Variants in ASTN1 observed in about 807,000 individuals in gnomAD.
ASTN1 encodes astrotactin 1, also known as astrotactin-1.
In ASTN1, 41 loss-of-function variants were observed where a neutral mutation model predicts 140.7. That is an observed-to-expected ratio of 0.29 (90% CI 0.23 to 0.38). ASTN1 has a LOEUF of 0.38. ASTN1 is among the 10% of genes least tolerant of loss of function. The pLI, the probability that ASTN1 is intolerant of heterozygous loss-of-function variation, is 1.00. For missense variants in ASTN1, 1,479 were observed against 1,678.8 expected (o/e 0.88, Z 2.08); for synonymous variants, 640 against 652.2 (o/e 0.98, Z 0.29).
At chr1:176,888,272 C>T in intron 17 of ASTN1, 68 bp from the exon 18 acceptor site, 1 of 1,575,308 alleles carries the variant, frequency 6.3e-7, no homozygotes, top group Non-Finnish European at 8.7e-7. Flanking sequence ...AATCAAGAGG[C>T]AGAGTGTCAA....
intron 1 of ASTN1, among the ~76,000 whole-genome samples, chr1:177,074,637 C>A (rs1049041055): frequency 6.6e-6 from 1 of 152,188 alleles, no homozygotes; most frequent in South Asian, 2.1e-4. Flanking sequence ...AGAGTCCTTG[C>A]AGACAAGAAT....
intron 1 of ASTN1, among the ~76,000 whole-genome samples, chr1:177,070,828 T>C (rs1044827177): frequency 6.6e-6 from 1 of 152,152 alleles, no homozygotes; most frequent in Non-Finnish European, 1.5e-5. Context: ...TTTCACTATC[T>C]CAACGTTCAT....
At chr1:177,106,974 T>C (rs763391777) in intron 1 of ASTN1, among the ~76,000 whole-genome samples, 4 of 152,126 alleles carry the variant, frequency 2.6e-5, no homozygotes, top group Non-Finnish European at 4.4e-5. Context: ...CAAGAAGTAA[T>C]GAAATAGCAG....
intron 2 of ASTN1, among the ~76,000 whole-genome samples, chr1:177,036,253 T>G (rs1402672205): frequency 1.3e-5 from 2 of 151,934 alleles, no homozygotes; most frequent in African/African-American, 2.4e-5. Flanking sequence ...TTTCTCCATG[T>G]TGAGGCTGGT....
intron 1 of ASTN1, among the ~76,000 whole-genome samples, chr1:177,114,420 C>CATAT (rs533026030): frequency 1.1e-3 from 165 of 150,112 alleles, no homozygotes; most frequent in African/African-American, 3.6e-3. Flanking sequence ...GAATGGTGCA[C>CATAT]ATATATATAT....
At chr1:177,023,778 G>T (rs1203659664) in intron 6 of ASTN1, among the ~76,000 whole-genome samples, 3 of 152,180 alleles carry the variant, frequency 2.0e-5, no homozygotes, top group Non-Finnish European at 2.9e-5. Context: ...GCCAGACATT[G>T]AACTCTCCAG....
intron 2 of ASTN1, among the ~76,000 whole-genome samples, chr1:177,041,694 GGA>G (rs1676980859): frequency 6.6e-6 from 1 of 152,194 alleles, no homozygotes; most frequent in African/African-American, 2.4e-5. Context: ...AAACATTAAG[GGA>G]ATTATTGAAC....
At chr1:176,901,638 C>T (rs1232171748) in intron 16 of ASTN1, among the ~76,000 whole-genome samples, 1 of 152,188 alleles carries the variant, frequency 6.6e-6, no homozygotes, top group East Asian at 1.9e-4. Flanking sequence ...CAAGGATGGT[C>T]ATGTGATGGA....
At chr1:176,891,638 A>G (rs980662977) in intron 17 of ASTN1, among the ~76,000 whole-genome samples, 8 of 152,144 alleles carry the variant, frequency 5.3e-5, no homozygotes, top group African/African-American at 1.9e-4. Context: ...TACCAAAAAT[A>G]CAAAATTAGC....
At chr1:176,973,767 C>G (rs1435973412) in intron 8 of ASTN1, among the ~76,000 whole-genome samples, 2 of 152,188 alleles carry the variant, frequency 1.3e-5, no homozygotes, top group African/African-American at 4.8e-5. Flanking sequence ...CTGTCCATGC[C>G]TATTATTCAG....
At chr1:176,903,384 T>C (rs960943027) in intron 16 of ASTN1, among the ~76,000 whole-genome samples, 4 of 151,996 alleles carry the variant, frequency 2.6e-5, no homozygotes, top group African/African-American at 9.7e-5. Context: ...TGTGCCTGAG[T>C]CCAGAGGAGC....
chr1:177,004,117 A>C (rs1263488197), intron 8 of ASTN1, among the ~76,000 whole-genome samples: 1 of 152,194 alleles, frequency 6.6e-6, no homozygotes, highest in Non-Finnish European at 1.5e-5. Flanking sequence ...TGATAAACGA[A>C]TTCAGTAAAG....
chr1:177,052,802 A>C (rs1319095656), intron 2 of ASTN1, among the ~76,000 whole-genome samples: 1 of 152,242 alleles, frequency 6.6e-6, no homozygotes, highest in Non-Finnish European at 1.5e-5. Context: ...TAAAAGAAAT[A>C]AAATTATTCC....
chr1:176,864,594 G>T (rs2103008190), intron 22 of ASTN1, 73 bp from the exon 23 acceptor site: 3 of 1,561,308 alleles, frequency 1.9e-6, no homozygotes, highest in Non-Finnish European at 2.6e-6. Flanking sequence ...TACTGTTAGT[G>T]TGAGACTCTA....
At chr1:177,117,949 T>C (rs1681180112) in intron 1 of ASTN1, among the ~76,000 whole-genome samples, 1 of 152,262 alleles carries the variant, frequency 6.6e-6, no homozygotes, top group Non-Finnish European at 1.5e-5. Context: ...TTATTTATCC[T>C]ATCAATCATT....
In ASTN1 at chr1:177,056,581, AT is replaced by A. The variant is rs556242461; in HGVS notation, c.471+4496del. 4.0e-3 allele frequency among the ~76,000 whole-genome samples: 511 copies of A among 128,462 alleles called. 2 individuals carry two copies. In the Middle Eastern group the frequency reaches 0.052, roughly 13 times the overall value. 84.3% of individuals were successfully genotyped at this position (128,462 alleles called of 152,430 possible). A position where few individuals can be genotyped will look rare whatever the true frequency, so the allele number is the denominator to read the frequency against. On this transcript the variant is annotated intron_variant, in intron 2 of 22. Coordinates refer to ENST00000361833, the MANE Select transcript of ASTN1 (RefSeq NM_004319.3). Reference sequence around the variant, plus strand: ...AAATTTCATATATATATATATATATATATATACACATATCTCCAAAGAATTT... The same window carrying A: ...AAATTTCATATATATATATATATATAATATACACATATCTCCAAAGAATTT...
At chr1:176,929,493 ATTCCTTGACT>A (rs1167236424) in intron 16 of ASTN1, among the ~76,000 whole-genome samples, 1 of 152,184 alleles carries the variant, frequency 6.6e-6, no homozygotes, top group African/African-American at 2.4e-5. Flanking sequence ...GGACCGGGTG[ATTCCTTGACT>A]TTAGTCCAGA....
chr1:177,083,741 A>T (rs1679287761), intron 1 of ASTN1, among the ~76,000 whole-genome samples: 1 of 152,130 alleles, frequency 6.6e-6, no homozygotes, highest in Non-Finnish European at 1.5e-5. Context: ...ACACTCTCAT[A>T]AGTGGACAAC....
chr1:177,062,411 G>GT, intron 1 of ASTN1, among the ~76,000 whole-genome samples: 2 of 151,192 alleles, frequency 1.3e-5, no homozygotes, highest in Non-Finnish European at 1.5e-5. Context: ...CAGCTAATTT[G>GT]TTTTTTTATT....
Sources: gnomAD v4.1 joint callset for allele counts (sites outside exome capture counted in the v4.1 genomes callset) on GRCh38, gnomAD v4.1.1 for gene constraint, MANE v1.5 for transcripts, NCBI Gene and HGNC (gene_info 2026-07-23, HGNC 2026-07-21) for gene names.